The following UST variants were observed in gnomAD, a reference collection of about 807,000 sequenced individuals.
The protein encoded by UST is chondroitin sulfate 2-O-sulfotransferase.
A neutral mutation model predicts 45.6 loss-of-function variants in UST; 21 were observed. The ratio of observed to expected loss-of-function variants is 0.46; its 90% CI spans 0.33 to 0.66. The LOEUF (loss-of-function observed/expected upper bound fraction) is 0.66, where lower values mean the gene tolerates loss of function less well. UST is among the 30% of genes least tolerant of loss of function. The pLI is 0.02. For missense variants in UST, 463 were observed against 512.4 expected (o/e 0.90, Z 0.93); for synonymous variants, 215 against 200.6 (o/e 1.07, Z -0.61).
At chr6:148,845,925 A>G (rs1376930321) in intron 1 of UST, among the ~76,000 whole-genome samples, 1 of 149,174 alleles carries the variant, frequency 6.7e-6, no homozygotes, top group Non-Finnish European at 1.5e-5. Flanking sequence ...TAGAATGGCA[A>G]TCATTAAAAA....
intron 1 of UST, among the ~76,000 whole-genome samples, chr6:148,823,950 A>T (rs1777518122): frequency 6.6e-6 from 1 of 152,216 alleles, no homozygotes; most frequent in Non-Finnish European, 1.5e-5. Context: ...AATCCATGTT[A>T]GGTTTAAAGA....
intron 5 of UST, among the ~76,000 whole-genome samples, chr6:148,989,923 G>C (rs1362420038): frequency 2.0e-5 from 3 of 152,172 alleles, no homozygotes; most frequent in Non-Finnish European, 4.4e-5. Flanking sequence ...TTGGAATTTA[G>C]ATGGAAGAAT....
chr6:148,859,315 C>CTTCT (rs1435091769), intron 1 of UST, among the ~76,000 whole-genome samples: 2 of 152,178 alleles, frequency 1.3e-5, no homozygotes, highest in Admixed American at 6.5e-5. Flanking sequence ...TGTTCATATC[C>CTTCT]TTTGCCCACT....
intron 1 of UST, among the ~76,000 whole-genome samples, chr6:148,839,876 C>T (rs1206136313): frequency 3.9e-5 from 6 of 152,064 alleles, no homozygotes; most frequent in Non-Finnish European, 4.4e-5. Context: ...GGGTAACTTG[C>T]CAAAGGTCAT....
Position 148,918,692 on chromosome 6 carries a change from A to G in UST, c.292-22587A>G, listed in dbSNP as rs560301329. Among the ~76,000 whole-genome samples, 3 of 152,358 alleles carry G rather than the reference A, an allele frequency of 2.0e-5. No individual in the cohort carries two copies. In the East Asian group the frequency reaches 5.8e-4, roughly 29 times the overall value. On this transcript the variant is annotated intron_variant, in intron 2 of 7. Transcript: ENST00000367463. ...CTCCGCCAGATGGCTCCTACCATAC[A>G]TAATAAAATGTCAGAGGTGCAGCGG... is the stretch of plus-strand genomic sequence containing the variant.
At chr6:148,903,988 C>G (rs1165840942) in intron 2 of UST, among the ~76,000 whole-genome samples, 2 of 152,160 alleles carry the variant, frequency 1.3e-5, no homozygotes, top group African/African-American at 4.8e-5. Flanking sequence ...GGAGAACATT[C>G]AGAAACTAAT....
chr6:149,054,586 G>A (rs1429707882), intron 7 of UST, among the ~76,000 whole-genome samples: 3 of 152,086 alleles, frequency 2.0e-5, no homozygotes, highest in African/African-American at 4.8e-5. Flanking sequence ...TTGTCGGGGG[G>A]CAGGCATTTA....
chr6:148,955,171 C>A (rs768214397), intron 4 of UST, among the ~76,000 whole-genome samples: 3 of 152,224 alleles, frequency 2.0e-5, no homozygotes, highest in Non-Finnish European at 2.9e-5. Flanking sequence ...GGACCCAGGG[C>A]AGCAGGCAAC....
intron 7 of UST, among the ~76,000 whole-genome samples, chr6:149,042,029 A>G (rs1194175186): frequency 6.6e-6 from 1 of 152,248 alleles, no homozygotes; most frequent in Non-Finnish European, 1.5e-5. Flanking sequence ...TAGTGGGTGT[A>G]CAGTAAAAAT....
intron 5 of UST, among the ~76,000 whole-genome samples, chr6:149,013,347 C>G (rs1471143629): frequency 6.6e-6 from 1 of 151,854 alleles, no homozygotes. Flanking sequence ...GTCAGGAGTT[C>G]GAGTTTGCCG....
intron 1 of UST, among the ~76,000 whole-genome samples, chr6:148,847,387 A>C (rs1219768554): frequency 6.6e-6 from 1 of 152,266 alleles, no homozygotes. Context: ...TGTGGGCCTC[A>C]GTTGCCTGCT....
intron 1 of UST, among the ~76,000 whole-genome samples, chr6:148,823,378 C>T (rs555767650): frequency 6.6e-6 from 1 of 152,170 alleles, no homozygotes; most frequent in African/African-American, 2.4e-5. Context: ...CTAAGAATGC[C>T]TTTTATATCT....
chr6:148,925,805 G>C (rs1779803213), intron 2 of UST, among the ~76,000 whole-genome samples: 1 of 152,196 alleles, frequency 6.6e-6, no homozygotes, highest in African/African-American at 2.4e-5. Flanking sequence ...AAGATGCTTT[G>C]AATTTTTAAT....
chr6:148,763,277 T>C (rs548166893), intron 1 of UST, among the ~76,000 whole-genome samples: 1 of 152,332 alleles, frequency 6.6e-6, no homozygotes, highest in African/African-American at 2.4e-5. Flanking sequence ...TTTTCTCCTT[T>C]GTATTTTTGT....
intron 1 of UST, among the ~76,000 whole-genome samples, chr6:148,841,114 T>C (rs914385548): frequency 1.3e-5 from 2 of 149,600 alleles, no homozygotes; most frequent in Non-Finnish European, 3.0e-5. Flanking sequence ...TTTGATAGAT[T>C]AAAAAAAAAG....
chr6:148,887,213 A>G lies in UST; in HGVS notation c.291+184A>G, dbSNP rs181695557. 3.9e-5 allele frequency among the ~76,000 whole-genome samples: 6 copies of G among 152,376 alleles called. No individual in the cohort carries two copies. The East Asian group carries it at 1.2e-3, about 29-fold the overall frequency. ...AAAGCATGATGATAGCCCAGATGAC[A>G]GGGAGAAGGAGCCATTGTTGAATCA... On this transcript the variant is annotated intron_variant, in intron 2 of 7. Transcript: ENST00000367463.
At chr6:148,762,556 G>A (rs1194559062) in intron 1 of UST, among the ~76,000 whole-genome samples, 6 of 148,058 alleles carry the variant, frequency 4.1e-5, no homozygotes, top group African/African-American at 1.5e-4. Context: ...TTTTTTAATA[G>A]ATGCAGGGAG....
chr6:148,937,740 T>C (rs1156859935), intron 2 of UST, among the ~76,000 whole-genome samples: 1 of 152,198 alleles, frequency 6.6e-6, no homozygotes, highest in African/African-American at 2.4e-5. Context: ...ATGTAACACA[T>C]TCTTCCTTGC....
chr6:148,872,791 T>TC lies in UST; in HGVS notation c.248-14193dup, dbSNP rs76934319. 3.3e-4 allele frequency among the ~76,000 whole-genome samples: 50 copies of TC among 152,228 alleles called. No individual in the cohort carries two copies. In the East Asian group the frequency reaches 7.7e-3, roughly 24 times the overall value. On this transcript the variant is annotated intron_variant, in intron 1 of 7. Transcript: ENST00000367463. ...CACTCCCTGACTCGTGGCCCCTTCC[T>TC]CCATCTGCAAAACACATCCTCCAGC...
Sources: allele counts gnomAD v4.1 joint callset (sites outside exome capture counted in the v4.1 genomes callset), GRCh38; gene constraint gnomAD v4.1.1; transcripts MANE v1.5; gene names NCBI Gene and HGNC (gene_info 2026-07-23, HGNC 2026-07-21).